Variants in PRKN observed in about 807,000 individuals in gnomAD.
The protein encoded by PRKN is parkin RBR E3 ubiquitin protein ligase, also known as E3 ubiquitin-protein ligase parkin.
A neutral mutation model predicts 59.5 loss-of-function variants in PRKN; 56 were observed. The observed-to-expected ratio is 0.94, with a 90% confidence interval of 0.76 to 1.18. The LOEUF is 1.18. Among genes scored for constraint, PRKN ranks in the 50% most tolerant of loss-of-function variants. PRKN has a pLI of 0.00. For synonymous variants in PRKN, 250 were observed against 222.1 expected, an observed-to-expected ratio of 1.13 and a Z score of -1.12; for missense variants, 657 against 596.4, an observed-to-expected ratio of 1.10 and a Z score of -1.06.
chr6:162,210,879 A>C (rs1785172440), intron 3 of PRKN, among the ~76,000 whole-genome samples: 1 of 152,180 alleles, frequency 6.6e-6, no homozygotes, highest in African/African-American at 2.4e-5. Context: ...TGGTTGTGGA[A>C]TGGTACTAAA....
chr6:161,690,712 C>G (rs1222089295), intron 7 of PRKN, among the ~76,000 whole-genome samples: 1 of 152,158 alleles, frequency 6.6e-6, no homozygotes, highest in Non-Finnish European at 1.5e-5. Context: ...TCCGCCTGAC[C>G]TCTTGAGCTG....
chr6:162,197,819 C>T (rs1290112942), intron 4 of PRKN, among the ~76,000 whole-genome samples: 1 of 152,144 alleles, frequency 6.6e-6, no homozygotes, highest in African/African-American at 2.4e-5. Context: ...GGTATGAATT[C>T]ATGGAGTCAA....
chr6:162,298,075 C>G (rs1399014218), intron 2 of PRKN, among the ~76,000 whole-genome samples: 1 of 152,008 alleles, frequency 6.6e-6, no homozygotes, highest in Non-Finnish European at 1.5e-5. Context: ...AGGTTGACAC[C>G]CACAGGCCAA....
intron 2 of PRKN, among the ~76,000 whole-genome samples, chr6:162,418,713 T>C (rs6455829): frequency 0.27 from 40,669 of 148,622 alleles, 5,878 homozygotes; most frequent in East Asian, 0.48. Flanking sequence ...GGAGGGCAGA[T>C]GGACCCAGTG....
chr6:161,668,293 T>C (rs1784793209), intron 7 of PRKN, among the ~76,000 whole-genome samples: 1 of 145,488 alleles, frequency 6.9e-6, no homozygotes, highest in Non-Finnish European at 1.5e-5. Context: ...TTCAGTACAA[T>C]TGGCATCTTG....
chr6:161,382,790 T>C (rs1257157598), intron 10 of PRKN, among the ~76,000 whole-genome samples: 2 of 152,202 alleles, frequency 1.3e-5, no homozygotes, highest in East Asian at 3.9e-4. Flanking sequence ...TAAAGAATTA[T>C]TGCATTAATC....
intron 1 of PRKN, among the ~76,000 whole-genome samples, chr6:162,632,164 T>A (rs747665686): frequency 2.0e-5 from 3 of 152,044 alleles, no homozygotes; most frequent in Non-Finnish European, 4.4e-5. Context: ...GGGTATATAC[T>A]CACAGGAAAA....
intron 1 of PRKN, among the ~76,000 whole-genome samples, chr6:162,490,039 T>C (rs558132602): frequency 1.3e-5 from 2 of 152,312 alleles, no homozygotes; most frequent in East Asian, 1.9e-4. Context: ...ATTGTAGAGA[T>C]GGGATGTCCT....
At position 161,360,101 on chromosome 6, in the gene PRKN, T is replaced by G. The variant is rs765846345; in HGVS notation, c.1272A>C (p.Pro424=). The G allele has an allele frequency of 1.1e-5, 18 of 1,612,950 alleles. No individual in the cohort carries two copies. The East Asian group carries it at 4.0e-4, about 36-fold the overall frequency. Residue 424 remains proline (P), a synonymous_variant, in exon 11 of 12, where the codon CCA becomes CCC. Coordinates refer to ENST00000366898, the MANE Select transcript of PRKN (RefSeq NM_004562.3). This position sits in a 1 kb window ranked among gnomAD's most constrained non-coding sequence, Gnocchi z 5.1. The part of the protein sequence containing the change: ...TTKPCPRCHV[P]VEKNGGCMHM... ...GCACAGACTCACCATTTTTTTCCACTGGTACATGGCAGCGGGGACAGGGCT... is the reference window on the plus strand; with the variant it reads ...GCACAGACTCACCATTTTTTTCCACGGGTACATGGCAGCGGGGACAGGGCT...
chr6:161,452,743 G>T (rs1789790647), intron 9 of PRKN, among the ~76,000 whole-genome samples: 1 of 152,102 alleles, frequency 6.6e-6, no homozygotes, highest in Non-Finnish European at 1.5e-5. Context: ...GTGCTGACTA[G>T]ATTCTTCATG....
At chr6:161,577,545 G>T (rs1048013976) in intron 7 of PRKN, among the ~76,000 whole-genome samples, 8 of 152,206 alleles carry the variant, frequency 5.3e-5, no homozygotes, top group African/African-American at 1.9e-4. Context: ...TATCTGAGTA[G>T]TATAGCATGA....
At chr6:161,892,982 A>ACAGGCAC (rs1777469529) in intron 6 of PRKN, among the ~76,000 whole-genome samples, 1 of 152,154 alleles carries the variant, frequency 6.6e-6, no homozygotes, top group Non-Finnish European at 1.5e-5. Flanking sequence ...AGCTGGGATA[A>ACAGGCAC]CAGGCACCTG....
chr6:162,518,041 T>C (rs1414149857), intron 1 of PRKN, among the ~76,000 whole-genome samples: 1 of 152,164 alleles, frequency 6.6e-6, no homozygotes, highest in Non-Finnish European at 1.5e-5. Flanking sequence ...AAATGTGTGG[T>C]AGTTGTTTTA....
At chr6:162,294,171 G>C (rs1781559552) in intron 2 of PRKN, among the ~76,000 whole-genome samples, 1 of 152,122 alleles carries the variant, frequency 6.6e-6, no homozygotes, top group Admixed American at 6.6e-5. Context: ...AATGTACTAA[G>C]AGTTCATGAA....
At chr6:162,348,500 C>T (rs1368842781) in intron 2 of PRKN, among the ~76,000 whole-genome samples, 4 of 152,088 alleles carry the variant, frequency 2.6e-5, no homozygotes, top group African/African-American at 2.4e-5. Context: ...AAATCAATGA[C>T]ATTTTCTATA....
chr6:161,887,898 C>A (rs117673963), intron 6 of PRKN, among the ~76,000 whole-genome samples: 1,651 of 152,246 alleles, frequency 0.011, 12 homozygotes, highest in Non-Finnish European at 0.017. Flanking sequence ...ACTTTGAAGA[C>A]AGATGTTTAG....
intron 6 of PRKN, among the ~76,000 whole-genome samples, chr6:161,850,551 G>C (rs1793385380): frequency 1.5e-5 from 2 of 135,878 alleles, no homozygotes; most frequent in South Asian, 2.5e-4. Context: ...ACTCCAGCCT[G>C]GTGACAGAGC....
intron 5 of PRKN, among the ~76,000 whole-genome samples, chr6:162,041,519 A>C (rs1235899771): frequency 1.3e-5 from 2 of 152,082 alleles, no homozygotes; most frequent in Non-Finnish European, 2.9e-5. Context: ...CTCTTTCTAA[A>C]CAGAGATTGG....
At chr6:162,567,401 G>A (rs2128207708) in intron 1 of PRKN, among the ~76,000 whole-genome samples, 1 of 152,266 alleles carries the variant, frequency 6.6e-6, no homozygotes, top group Non-Finnish European at 1.5e-5. Flanking sequence ...CATTAGAACT[G>A]ATACCCAAAT....
Sources: gnomAD v4.1 joint callset for allele counts (sites outside exome capture counted in the v4.1 genomes callset) on GRCh38, gnomAD v4.1.1 for gene constraint, Gnocchi (gnomAD v3.1) non-coding constraint, MANE v1.5 for transcripts, NCBI Gene and HGNC (gene_info 2026-07-23, HGNC 2026-07-21) for gene names.